TTN: variants seen among roughly 807,000 people sequenced by gnomAD.
The protein encoded by TTN is titin, also known as connectin.
A neutral mutation model predicts 3,223.0 loss-of-function variants in TTN; 1,525 were observed. That is an observed-to-expected ratio of 0.47 (90% CI 0.45 to 0.49). The LOEUF (loss-of-function observed/expected upper bound fraction) is 0.49. TTN is among the 20% of genes least tolerant of loss of function. The pLI, the probability that TTN is intolerant of heterozygous loss-of-function variation, is 0.00. For missense variants in TTN, 40,786 were observed against 43,424.0 expected, an observed-to-expected ratio of 0.94 and a Z score of 5.40; for synonymous variants, 14,094 against 15,161.0, an observed-to-expected ratio of 0.93 and a Z score of 5.17.
chr2:178,782,126 G>T, intron 20 of TTN, 86 bp downstream of exon 20: 1 of 1,482,516 alleles, frequency 6.7e-7, no homozygotes, highest in South Asian at 1.2e-5. Context: ...TATGCTCAGG[G>T]TCGGTGGGGT....
rs997011257 is a variant in TTN at position 178,601,776 on chromosome 2, A to C, written c.55314T>G (p.Ala18438=). 2.5e-6 allele frequency: 4 copies of C among 1,601,584 alleles called. No individual in the cohort carries two copies. Among genetic ancestry groups the C allele is most frequent in the Non-Finnish European group, 3.4e-6 (4 of 1,175,732 alleles). ...DIPEDAQLET[A]ENSSVIIIPE... is the part of the protein sequence containing the mutation. ...GAATAATAATTACTGAGGAGTTTTC[A>C]GCAGTCTCCAGCTGTACAAAGAAAA... is the stretch of plus-strand genomic sequence containing the variant. Residue 18438 remains alanine (A), a synonymous_variant, in exon 286 of 363, where the codon GCT becomes GCG. Transcript: ENST00000589042.
Position 178,712,848 on chromosome 2 carries a change from T to C in TTN, c.27177A>G (p.Leu9059=). 1 of 1,613,816 alleles carries C rather than the reference T, an allele frequency of 6.2e-7. No homozygotes were observed. Among genetic ancestry groups the C allele is most frequent in the Non-Finnish European group, 8.5e-7 (1 of 1,179,774 alleles). The change falls in exon 94 of 363, where the codon CTA becomes CTG. Residue 9059 remains leucine (L), a synonymous_variant. Coordinates refer to ENST00000589042, the MANE Select transcript of TTN (RefSeq NM_001267550.2). ...ACACGTTGCATCTGTCACCTGGTAC[T>C]AGTTCACTGCTACCTTTGAACCAGC... ...SVSWFKGSSE[L]VPGDRCNVSL...
intron 301 of TTN, 38 bp downstream of exon 301, chr2:178,592,341 A>T (rs763355405): frequency 1.1e-4 from 179 of 1,597,494 alleles, no homozygotes; most frequent in Non-Finnish European, 2.8e-5. Context: ...AAAATTATCA[A>T]AATTTATTTT....
chr2:178,539,526 C>T lies in TTN; in HGVS notation c.98539G>A (p.Asp32847Asn). The change falls in exon 352 of 363, where the codon GAT becomes AAT. Residue 32847 changes from aspartate to asparagine, a missense_variant. Asp to Asn is a conservative substitution (Grantham distance 23). Coordinates refer to ENST00000589042, the MANE Select transcript of TTN (RefSeq NM_001267550.2). Reference sequence around the variant, plus strand: ...AGAGATGTACCTCGGACTCTGGAATCAATGGTATACCAGGCGGCTTTAGGC... The same window carrying T: ...AGAGATGTACCTCGGACTCTGGAATTAATGGTATACCAGGCGGCTTTAGGC... Reference protein sequence around the residue: ...EVPKAAWYTIDSRVRGTSLVV... With the variant: ...EVPKAAWYTINSRVRGTSLVV... The T allele has an allele frequency of 6.2e-7, 1 of 1,613,804 alleles. No homozygotes were observed. The highest frequency in any genetic ancestry group is 8.5e-7 in the Non-Finnish European group (1 of 1,179,778).
chr2:178,730,194 A>G lies in TTN; in HGVS notation c.18206T>C (p.Leu6069Pro). 6.2e-7 allele frequency: 1 copy of G among 1,613,530 alleles called. No individual in the cohort carries two copies. The highest frequency in any genetic ancestry group is 8.5e-7 in the Non-Finnish European group (1 of 1,179,696). The change falls in exon 62 of 363, where the codon CTA (leucine) becomes CCA (proline). Residue 6069 changes from leucine (L) to proline (P), a missense_variant. Transcript: ENST00000589042. ...GGTAGCTTTGGCTGCAAAGAGCTCT[A>G]GACTGGTAGAGGTGTCATCCTTCCA... The part of the protein sequence containing the change: ...SVWKDDTSTS[L>P]ELFAAKATDS...
rs371022665 is a variant in TTN, at chr2:178,532,651, A to G, written c.103964T>C (p.Leu34655Pro). ...DFYYRPRRRS[L>P]GDISDEELLL... is the part of the protein sequence containing the mutation. ...TAATTCTTCATCAGAGATGTCCCCAAGAGAACGTCTTCTAGGTCGGTAGTA... is the reference window on the plus strand; with the variant it reads ...TAATTCTTCATCAGAGATGTCCCCAGGAGAACGTCTTCTAGGTCGGTAGTA... Residue 34655 changes from leucine (L) to proline (P), a missense_variant, in exon 358 of 363, where the codon CTT becomes CCT. Coordinates refer to ENST00000589042, the MANE Select transcript of TTN (RefSeq NM_001267550.2). 6.2e-7 allele frequency: 1 copy of G among 1,613,968 alleles called. No homozygotes were observed. The highest frequency in any genetic ancestry group is 1.3e-5 in the African/African-American group (1 of 75,034).
At position 178,792,086 on chromosome 2, in the gene TTN, C is replaced by A. The variant is rs759126894; in HGVS notation, c.1648G>T (p.Val550Leu). ...ATCAGACTTACTGCTTCTTGAGTTA[C>A]TTGTTTCTGTTTCTTAGTAATTTCT... ...SEEITKKQKQVTQEAIRQETE... is the reference protein window; with the variant it reads ...SEEITKKQKQLTQEAIRQETE... Residue 550 changes from valine (V) to leucine (L), a missense_variant, in exon 10 of 363, where the codon GTA becomes TTA. By Grantham distance (32) the Val-to-Leu change is conservative. Transcript: ENST00000589042. 1 of 1,612,422 alleles carries A rather than the reference C, an allele frequency of 6.2e-7. No homozygotes were observed. Among genetic ancestry groups the A allele is most frequent in the Non-Finnish European group, 8.5e-7 (1 of 1,179,224 alleles).
In TTN at chr2:178,731,730, C is replaced by A. The variant is rs1199177902; in HGVS notation, c.17145G>T (p.Val5715=). The change falls in exon 58 of 363, where the codon GTG becomes GTT. Residue 5715 remains valine, a synonymous_variant. Coordinates refer to ENST00000589042, the MANE Select transcript of TTN (RefSeq NM_001267550.2). ...CCCTGGCACTGCAGATGCTGCTGCC[C>A]ACCTCATTGGTCACCCGACACTGGT... ...GEYQCRVTNE[V]GSSICSARVT... 2 of 1,613,246 alleles carry A rather than the reference C, an allele frequency of 1.2e-6. No homozygotes were observed. The highest frequency in any genetic ancestry group is 3.3e-5 in the Admixed American group (2 of 59,988).
rs1413978610 is a variant in TTN at position 178,566,746 on chromosome 2, A to G, written c.79386T>C (p.Ser26462=). The G allele has an allele frequency of 6.2e-7, 1 of 1,613,444 alleles. No individual in the cohort carries two copies. Among genetic ancestry groups the G allele is most frequent in the Non-Finnish European group, 8.5e-7 (1 of 1,179,706 alleles). The change falls in exon 326 of 363, where the codon TCT becomes TCC. Residue 26462 remains serine (S), a synonymous_variant. Transcript: ENST00000589042. ...CCCCAACTCCAGCAGCATTTTCTGC[A>G]GAGACCCTGAATTCATACTCATGAT... The part of the protein sequence containing the change: ...TEDHEYEFRV[S]AENAAGVGEP...
chr2:178,775,052 T>C lies in TTN; in HGVS notation c.6659A>G (p.Tyr2220Cys). ...DGMEVHEGDK[Y>C]RMHSDRKVHF... ...AACCTTTCTGTCAGAGTGCATCCTG[T>C]ATTTATCTCCCTCATGAACCTCCAT... Residue 2220 changes from tyrosine to cysteine, a missense_variant, in exon 29 of 363, where the codon TAC (tyrosine) becomes TGC (cysteine). By Grantham distance (194) the Tyr-to-Cys change is radical. Coordinates refer to ENST00000589042, the MANE Select transcript of TTN (RefSeq NM_001267550.2). The C allele has an allele frequency of 6.2e-7, 1 of 1,614,084 alleles. No homozygotes were observed. The highest frequency in any genetic ancestry group is 1.1e-5 in the South Asian group (1 of 91,076).
At position 178,718,830 on chromosome 2, in the gene TTN, A is replaced by G. The variant is rs1577966478; in HGVS notation, c.24370T>C (p.Cys8124Arg). The G allele has an allele frequency of 6.2e-7, 1 of 1,613,754 alleles. No individual in the cohort carries two copies. Among genetic ancestry groups the G allele is most frequent in the Middle Eastern group, 1.6e-4 (1 of 6,062 alleles). ...GSRELVPGES[C>R]NISLEDFVTE... ...ACAAAATCTTCCAGAGAGATGTTGC[A>G]TGACTCCCCAGGCACCAGTTCCCTG... is the stretch of plus-strand genomic sequence containing the variant. Residue 8124 changes from cysteine to arginine, a missense_variant, in exon 84 of 363, where the codon TGC becomes CGC. Physicochemically the swap from Cys to Arg is radical, Grantham distance 180. Transcript: ENST00000589042.
intron 344 of TTN, among the ~76,000 whole-genome samples, chr2:178,545,045 C>A (rs552561177): frequency 6.6e-6 from 1 of 152,276 alleles, no homozygotes; most frequent in African/African-American, 2.4e-5. Context: ...TCCTGCTAAA[C>A]CTCTTCTTAA....
rs2154183659 is a variant in TTN at position 178,589,243 on chromosome 2, T to C, written c.62482A>G (p.Lys20828Glu). 1.2e-6 allele frequency: 2 copies of C among 1,613,518 alleles called. No homozygotes were observed. The highest frequency in any genetic ancestry group is 8.5e-7 in the Non-Finnish European group (1 of 1,179,622). ...CGCTTTGCTTTAGTAAGAGAAAATT[T>C]AGATGAATCAGCACGGGTATCAATC... ...VKIDTRADSS[K>E]FSLTKAKRSD... Residue 20828 changes from lysine (K) to glutamate (E), a missense_variant, in exon 304 of 363, where the codon AAA becomes GAA. Coordinates refer to ENST00000589042, the MANE Select transcript of TTN (RefSeq NM_001267550.2).
Position 178,712,878 on chromosome 2 carries a change from A to G in TTN, c.27147T>C (p.Ser9049=). 1 of 1,613,732 alleles carries G rather than the reference A, an allele frequency of 6.2e-7. No homozygotes were observed. Among genetic ancestry groups the G allele is most frequent in the African/African-American group, 1.3e-5 (1 of 75,070 alleles). ...CACTGCTACCTTTGAACCAGCTAAC[A>G]CTGAAAGGAGGTGTTCCTTTTACGA... ...TSIVKGTPPF[S]VSWFKGSSEL... The change falls in exon 94 of 363, where the codon AGT becomes AGC. Residue 9049 remains serine (S), a synonymous_variant. Transcript: ENST00000589042.
In TTN at chr2:178,546,397, G is replaced by T. The variant is rs1347498882; in HGVS notation, c.94934C>A (p.Pro31645His). ...LDAAVGGKPEPKIIWTKGDKE... is the reference protein window; with the variant it reads ...LDAAVGGKPEHKIIWTKGDKE... ...GTCTCCTTTGGTCCAGATAATTTTGGGTTCAGGTTTGCCACCAACTGCAGC... is the reference window on the plus strand; with the variant it reads ...GTCTCCTTTGGTCCAGATAATTTTGTGTTCAGGTTTGCCACCAACTGCAGC... Residue 31645 changes from proline (P) to histidine (H), a missense_variant, in exon 342 of 363, where the codon CCC becomes CAC. Transcript: ENST00000589042. 3 of 1,613,666 alleles carry T rather than the reference G, an allele frequency of 1.9e-6. No individual in the cohort carries two copies. Among genetic ancestry groups the T allele is most frequent in the Admixed American group, 3.3e-5 (2 of 59,990 alleles).
chr2:178,543,710 T>C, intron 346 of TTN, 48 bp from the exon 347 acceptor site: 1 of 1,522,218 alleles, frequency 6.6e-7, no homozygotes, highest in Non-Finnish European at 8.8e-7. Flanking sequence ...CCTGATAGCT[T>C]TTTTTTTCTT....
rs1390573790 is a variant in TTN at position 178,653,887 on chromosome 2, A to G, written c.38475T>C (p.Val12825=). The change falls in exon 195 of 363, where the codon GTT becomes GTC. Residue 12825 remains valine, a synonymous_variant. Transcript: ENST00000589042. The stretch of plus-strand genomic sequence containing the variant: ...TTTCTTTTTCTGCGGCTTCTTGAGG[A>G]ACTTCTGGCACTTGAAAGATATTAG... ...PEAPAVTVPE[V]PQEAAEKEIP... 6.3e-7 allele frequency: 1 copy of G among 1,593,844 alleles called. No homozygotes were observed. The highest frequency in any genetic ancestry group is 1.3e-5 in the African/African-American group (1 of 74,220).
Position 178,664,020 on chromosome 2 carries a change from A to G in TTN, c.36359T>C (p.Val12120Ala). ...CTAAAGTCAGTGACAAATACCTTTAACAGGTGGGACTTCAGGCTTTTTAGG... is the reference window on the plus strand; with the variant it reads ...CTAAAGTCAGTGACAAATACCTTTAGCAGGTGGGACTTCAGGCTTTTTAGG... ...VPPKKPEVPP[V>A]KVPEASKEVI... Residue 12120 changes from valine (V) to alanine (A), a missense_variant, in exon 169 of 363, where the codon GTT becomes GCT. By Grantham distance (64) the Val-to-Ala change is moderately conservative (BLOSUM62 0). Coordinates refer to ENST00000589042, the MANE Select transcript of TTN (RefSeq NM_001267550.2). 3.1e-6 allele frequency: 5 copies of G among 1,613,278 alleles called. No homozygotes were observed. The highest frequency in any genetic ancestry group is 4.2e-6 in the Non-Finnish European group (5 of 1,179,694).
At chr2:178,683,032 G>A in intron 134 of TTN, 129 bp from the exon 135 acceptor site, 4 of 1,062,610 alleles carry the variant, frequency 3.8e-6, no homozygotes, top group Non-Finnish European at 5.5e-6. Context: ...GACCCTGACT[G>A]TTCTTTTTTG....
Sources: allele counts gnomAD v4.1 joint callset (sites outside exome capture counted in the v4.1 genomes callset), GRCh38; gene constraint gnomAD v4.1.1; transcripts MANE v1.5; gene names NCBI Gene and HGNC (gene_info 2026-07-23, HGNC 2026-07-21).